PTPRF: variants seen among roughly 807,000 people sequenced by gnomAD.
PTPRF encodes the protein protein tyrosine phosphatase receptor type F.
A neutral mutation model predicts 201.8 loss-of-function variants in PTPRF; 59 were observed. That is an observed-to-expected ratio of 0.29 (90% CI 0.24 to 0.36). The LOEUF (loss-of-function observed/expected upper bound fraction) is 0.36. Among genes scored for constraint, PTPRF ranks in the 10% least tolerant of loss-of-function variants. The pLI, the probability that PTPRF is intolerant of heterozygous loss-of-function variation, is 1.00. For missense variants in PTPRF, 2,132 were observed against 2,690.5 expected (o/e 0.79, Z 4.59); for synonymous variants, 1,088 against 1,089.7 (o/e 1.00, Z 0.03).
intron 16 of PTPRF, 55 bp from the exon 17 acceptor site, chr1:43,604,848 C>A: frequency 6.8e-7 from 1 of 1,474,730 alleles, no homozygotes; most frequent in Non-Finnish European, 9.4e-7. Context: ...CCCTTCCAGC[C>A]CATTCACCCC....
At chr1:43,570,570 A>G (rs982617331) in intron 6 of PTPRF, among the ~76,000 whole-genome samples, 2 of 152,206 alleles carry the variant, frequency 1.3e-5, no homozygotes, top group Non-Finnish European at 2.9e-5. Flanking sequence ...TCTGCCTGTC[A>G]GTTGTGATGT....
intron 6 of PTPRF, among the ~76,000 whole-genome samples, chr1:43,574,887 G>A (rs1646821703): frequency 6.6e-6 from 1 of 152,236 alleles, no homozygotes; most frequent in Non-Finnish European, 1.5e-5. Context: ...TGGGCTTTGA[G>A]TAATTCCCTG....
intron 2 of PTPRF, among the ~76,000 whole-genome samples, chr1:43,543,240 C>T (rs1202521656): frequency 6.6e-6 from 1 of 152,192 alleles, no homozygotes; most frequent in Admixed American, 6.5e-5. Flanking sequence ...GGAAGGTGCT[C>T]CATCGTTGGC....
At chr1:43,584,838 A>T (rs1342302019) in intron 7 of PTPRF, among the ~76,000 whole-genome samples, 1 of 152,158 alleles carries the variant, frequency 6.6e-6, no homozygotes, top group Non-Finnish European at 1.5e-5. Flanking sequence ...TGTTATTTTC[A>T]TCAGAGAAAT....
intron 10 of PTPRF, among the ~76,000 whole-genome samples, 183 bp downstream of exon 10, chr1:43,592,131 G>T (rs549910406): frequency 3.3e-5 from 5 of 151,356 alleles, no homozygotes; most frequent in African/African-American, 1.2e-4. Context: ...TGAATCTGGA[G>T]TCATTGTCAC....
At chr1:43,550,353 G>GCCCCA (rs1644948590) in intron 3 of PTPRF, among the ~76,000 whole-genome samples, 2 of 143,754 alleles carry the variant, frequency 1.4e-5, no homozygotes, top group Non-Finnish European at 3.1e-5. Flanking sequence ...CGGAGGCCCC[G>GCCCCA]CCCCACCCCG....
intron 6 of PTPRF, among the ~76,000 whole-genome samples, chr1:43,573,288 C>T (rs1037085057): frequency 1.1e-4 from 16 of 152,250 alleles, no homozygotes; most frequent in African/African-American, 3.6e-4. Flanking sequence ...CAGGCTGTGC[C>T]GAGCCTGGAC....
At chr1:43,599,673 G>C (rs2154022043) in intron 13 of PTPRF, among the ~76,000 whole-genome samples, 1 of 152,292 alleles carries the variant, frequency 6.6e-6, no homozygotes, top group East Asian at 1.9e-4. Context: ...TTGAGCTTGG[G>C]GTGAGGTCCC....
upstream of PTPRF, among the ~76,000 whole-genome samples, chr1:43,529,359 A>G (rs138124229): frequency 6.6e-6 from 1 of 152,346 alleles, no homozygotes; most frequent in African/African-American, 2.4e-5. Flanking sequence ...GCAGTGAATC[A>G]GGTGGTTACC....
chr1:43,577,817 G>A (rs948154641), intron 6 of PTPRF, among the ~76,000 whole-genome samples: 6 of 152,218 alleles, frequency 3.9e-5, no homozygotes, highest in Non-Finnish European at 7.3e-5. Context: ...CTGTGTGGGT[G>A]TAATTGTCTG....
Position 43,613,598 on chromosome 1 carries a change from G to A in PTPRF, c.3974-20G>A. The A allele has an allele frequency of 6.3e-7, 1 of 1,598,066 alleles. No individual in the cohort carries two copies. Among genetic ancestry groups the A allele is most frequent in the Non-Finnish European group, 8.6e-7 (1 of 1,165,364 alleles). On this transcript the variant is annotated intron_variant, in intron 22 of 33. Coordinates refer to ENST00000359947, the MANE Select transcript of PTPRF (RefSeq NM_002840.5). ...CAAGCCTCACACTAATGCTGCCTGTGTATGCCCTACCTCCCCTAGGTATGC... is the reference window on the plus strand; with the variant it reads ...CAAGCCTCACACTAATGCTGCCTGTATATGCCCTACCTCCCCTAGGTATGC...
rs1184742130 is a variant in PTPRF, at chr1:43,542,762, A to G, written c.-45-2269A>G. On this transcript the variant is annotated intron_variant, in intron 2 of 33. Coordinates refer to ENST00000359947, the MANE Select transcript of PTPRF (RefSeq NM_002840.5). The surrounding 1 kb of genome is among the most constrained non-coding windows in gnomAD (Gnocchi z 5.2). ...GCCCACGTGATGTCTAGACCACACC[A>G]TTACACCTCCATGATGTCTGCACCT... 2.0e-5 allele frequency among the ~76,000 whole-genome samples: 3 copies of G among 152,242 alleles called. No individual in the cohort carries two copies. Among genetic ancestry groups the G allele is most frequent in the Admixed American group, 6.5e-5 (1 of 15,298 alleles).
chr1:43,570,910 G>A (rs1276514985), intron 6 of PTPRF, among the ~76,000 whole-genome samples: 2 of 152,194 alleles, frequency 1.3e-5, no homozygotes, highest in Admixed American at 1.3e-4. Context: ...GCTGCCCAGC[G>A]CAGCACAGCG....
chr1:43,595,803 C>T (rs1214378593), intron 11 of PTPRF, among the ~76,000 whole-genome samples: 1 of 152,040 alleles, frequency 6.6e-6, no homozygotes, highest in African/African-American at 2.4e-5. Context: ...GTCTTCTCTG[C>T]AGTGTGGGAG....
intron 7 of PTPRF, chr1:43,580,073 A>C (rs1203730940): frequency 1.3e-5 from 2 of 151,652 alleles, no homozygotes; most frequent in Non-Finnish European, 2.9e-5. Context: ...CAAAAAAAAA[A>C]AAAAAGTACA....
rs1645135649 is a variant in PTPRF, at chr1:43,553,086, G to A, written c.92-406G>A. On this transcript the variant is annotated intron_variant, in intron 3 of 33. Transcript: ENST00000359947. The surrounding 1 kb of genome is among the most constrained non-coding windows in gnomAD (Gnocchi z 4.1). ...GGAGGGACAACTCTCAGGGAGAGCTGGAGCTCTTCCCAGCAGCTCTCCAGC... is the reference window on the plus strand; with the variant it reads ...GGAGGGACAACTCTCAGGGAGAGCTAGAGCTCTTCCCAGCAGCTCTCCAGC... Among the ~76,000 whole-genome samples, 1 of 152,166 alleles carries A rather than the reference G, an allele frequency of 6.6e-6. No homozygotes were observed. The highest frequency in any genetic ancestry group is 2.1e-4 in the South Asian group (1 of 4,824).
intron 6 of PTPRF, among the ~76,000 whole-genome samples, chr1:43,577,575 G>GGTAC (rs1452329501): frequency 2.0e-5 from 3 of 152,192 alleles, no homozygotes; most frequent in South Asian, 2.1e-4. Flanking sequence ...GACCCAGGGT[G>GGTAC]GTACCCCTTT....
chr1:43,530,977 CG>C lies in PTPRF; in HGVS notation c.-236del. The stretch of plus-strand genomic sequence containing the variant: ...TCCGGCTCCGGCTCCGGCTCCAGCT[CG>C]GGTGGCGGTGGCGGGAGCGGGACCA... On this transcript the variant is annotated 5_prime_UTR_variant, in exon 1 of 34. Transcript: ENST00000359947. The surrounding 1 kb of genome is among the most constrained non-coding windows in gnomAD (Gnocchi z 4.1). The C allele has an allele frequency of 6.3e-6, 1 of 157,620 alleles. No homozygotes were observed. Among genetic ancestry groups the C allele is most frequent in the South Asian group, 1.7e-4 (1 of 5,874 alleles). 9.8% of individuals were successfully genotyped at this position (157,620 alleles called of 1,614,324 possible). A position where few individuals can be genotyped will look rare whatever the true frequency, so the allele number is the denominator to read the frequency against.
intron 17 of PTPRF, 88 bp from the exon 18 acceptor site, chr1:43,605,102 T>C: frequency 6.3e-7 from 1 of 1,576,486 alleles, no homozygotes; most frequent in Non-Finnish European, 8.7e-7. Context: ...GGAGCAGGAA[T>C]GTGGTTGTGT....
Sources: allele counts gnomAD v4.1 joint callset (sites outside exome capture counted in the v4.1 genomes callset), GRCh38; gene constraint gnomAD v4.1.1; non-coding constraint Gnocchi (gnomAD v3.1); transcripts MANE v1.5; gene names NCBI Gene and HGNC (gene_info 2026-07-23, HGNC 2026-07-21).